Variants in AKR1C8 observed in about 807,000 individuals in gnomAD.
AKR1C8 encodes aldo-keto reductase family 1 member C-like protein 1.
the AKR1C8 span, among the ~76,000 whole-genome samples, chr10:5,121,896 A>G: frequency 1.5e-4 from 23 of 152,158 alleles, no homozygotes; most frequent in Admixed American, 1.4e-3. Flanking sequence ...AGTGTTACTT[A>G]CAGACCAACA....
At chr10:5,155,383 T>C in the AKR1C8 span, 4 of 168,682 alleles carry the variant, frequency 2.4e-5, no homozygotes, top group Admixed American at 6.4e-5. Flanking sequence ...CTGAGCCTTC[T>C]AGACTCATAG....
At chr10:5,148,866 G>A in the AKR1C8 span, among the ~76,000 whole-genome samples, 4 of 151,974 alleles carry the variant, frequency 2.6e-5, no homozygotes, top group African/African-American at 9.7e-5. Context: ...TCATTCCTAT[G>A]TCATACCAGG....
the AKR1C8 span, among the ~76,000 whole-genome samples, chr10:5,136,703 A>C: frequency 1.3e-5 from 2 of 152,234 alleles, no homozygotes; most frequent in South Asian, 4.1e-4. Context: ...AATTTGCAGA[A>C]TGGGTTTTAA....
the AKR1C8 span, among the ~76,000 whole-genome samples, chr10:5,133,459 G>C: frequency 2.0e-5 from 3 of 152,088 alleles, no homozygotes; most frequent in East Asian, 5.8e-4. Flanking sequence ...ACTACAGGAA[G>C]AATACAGTGC....
the AKR1C8 span, among the ~76,000 whole-genome samples, chr10:5,141,702 C>A: frequency 1.3e-5 from 2 of 152,130 alleles, no homozygotes; most frequent in African/African-American, 4.8e-5. Context: ...TGCCATTCAA[C>A]AGTAATATTT....
At chr10:5,124,697 T>C in the AKR1C8 span, among the ~76,000 whole-genome samples, 19 of 152,136 alleles carry the variant, frequency 1.2e-4, no homozygotes, top group African/African-American at 4.6e-4. Context: ...TGTGGAAATA[T>C]GTTGTGGAAT....
chr10:5,131,671 TA>T, the AKR1C8 span, among the ~76,000 whole-genome samples: 41,744 of 145,876 alleles, frequency 0.29, 6,553 homozygotes, highest in Non-Finnish European at 0.37. Flanking sequence ...AATTTAAAAG[TA>T]AAAAAAAAAA....
the AKR1C8 span, among the ~76,000 whole-genome samples, chr10:5,139,248 G>C: frequency 6.6e-6 from 1 of 152,098 alleles, no homozygotes; most frequent in South Asian, 2.1e-4. Flanking sequence ...TAGATTCAAT[G>C]CCATCCCCAT....
chr10:5,127,722 CAAAAAAAAAA>C, the AKR1C8 span, among the ~76,000 whole-genome samples: 89 of 79,648 alleles, frequency 1.1e-3, no homozygotes, highest in African/African-American at 2.5e-3. Context: ...AAGACTCTGT[CAAAAAAAAAA>C]AAAAAAAAAA....
the AKR1C8 span, among the ~76,000 whole-genome samples, chr10:5,174,427 T>C: frequency 6.6e-6 from 1 of 152,078 alleles, no homozygotes; most frequent in Non-Finnish European, 1.5e-5. Flanking sequence ...AAAATACAAA[T>C]GTCTTCAAGA....
the AKR1C8 span, among the ~76,000 whole-genome samples, chr10:5,120,343 CTG>C: frequency 2.0e-5 from 3 of 149,198 alleles, no homozygotes; most frequent in Non-Finnish European, 4.4e-5. Context: ...CTCTATATTT[CTG>C]TGTGTGTGTC....
the AKR1C8 span, among the ~76,000 whole-genome samples, chr10:5,158,421 A>C: frequency 6.6e-6 from 1 of 152,196 alleles, no homozygotes. Context: ...AACAGGAAGG[A>C]AAGAATGTTG....
chr10:5,136,329 C>T, the AKR1C8 span, among the ~76,000 whole-genome samples: 1 of 152,234 alleles, frequency 6.6e-6, no homozygotes, highest in African/African-American at 2.4e-5. Flanking sequence ...AGGTGGATCA[C>T]TTGAGATCCA....
At chr10:5,137,324 G>C in the AKR1C8 span, among the ~76,000 whole-genome samples, 2 of 152,044 alleles carry the variant, frequency 1.3e-5, no homozygotes, top group South Asian at 2.1e-4. Flanking sequence ...CAATATCCCT[G>C]ATGAGCATCA....
At chr10:5,167,291 C>A in the AKR1C8 span, among the ~76,000 whole-genome samples, 1 of 152,248 alleles carries the variant, frequency 6.6e-6, no homozygotes, top group South Asian at 2.1e-4. Context: ...TGGGTATATA[C>A]CCAAAGGATT....
At chr10:5,116,525 C>T in the AKR1C8 span, among the ~76,000 whole-genome samples, 2 of 152,176 alleles carry the variant, frequency 1.3e-5, no homozygotes, top group South Asian at 4.1e-4. Flanking sequence ...TCAGGGCATA[C>T]ACAGCCTTCT....
At chr10:5,143,172 T>C in the AKR1C8 span, among the ~76,000 whole-genome samples, 5 of 152,240 alleles carry the variant, frequency 3.3e-5, no homozygotes, top group African/African-American at 9.6e-5. Context: ...TAATTCAATA[T>C]GGGAAACAAC....
the AKR1C8 span, among the ~76,000 whole-genome samples, chr10:5,180,630 A>T: frequency 4.6e-5 from 7 of 151,956 alleles, no homozygotes; most frequent in African/African-American, 1.7e-4. Context: ...TGGGCTCCAC[A>T]CCTCTGCTCC....
the AKR1C8 span, among the ~76,000 whole-genome samples, chr10:5,125,102 CATT>C: frequency 5.9e-5 from 9 of 151,928 alleles, no homozygotes; most frequent in East Asian, 3.9e-4. Flanking sequence ...TAACATCTCT[CATT>C]GTTGTATAAT....
Sources: gnomAD v4.1 joint callset for allele counts (sites outside exome capture counted in the v4.1 genomes callset) on GRCh38, gnomAD v4.1.1 for gene constraint, MANE v1.5 for transcripts, NCBI Gene and HGNC (gene_info 2026-07-23, HGNC 2026-07-21) for gene names.